RTF1: variants seen among roughly 807,000 people sequenced by gnomAD.
RTF1 encodes RNA polymerase-associated protein RTF1 homolog.
A neutral mutation model predicts 95.7 loss-of-function variants in RTF1; 10 were observed. The observed-to-expected ratio is 0.10, with a 90% confidence interval of 0.06 to 0.18. The LOEUF (loss-of-function observed/expected upper bound fraction) is 0.18, where lower values mean the gene tolerates loss of function less well. RTF1 is among the 10% of genes least tolerant of loss of function. The pLI is 1.00. For synonymous variants in RTF1, 305 were observed against 311.8 expected, an observed-to-expected ratio of 0.98 and a Z score of 0.23; for missense variants, 458 against 875.6, an observed-to-expected ratio of 0.52 and a Z score of 6.02.
chr15:41,476,365 G>T, intron 11 of RTF1, 81 bp from the exon 12 acceptor site: 1 of 1,080,404 alleles, frequency 9.3e-7, no homozygotes, highest in Non-Finnish European at 1.4e-6. Flanking sequence ...CTAGCTGTTT[G>T]CATCCAAAAT....
At chr15:41,441,194 A>G (rs1252513570) in intron 2 of RTF1, among the ~76,000 whole-genome samples, 1 of 148,532 alleles carries the variant, frequency 6.7e-6, no homozygotes, top group African/African-American at 2.5e-5. Flanking sequence ...GATGGTCTCT[A>G]TCTCCTGACC....
intron 1 of RTF1, among the ~76,000 whole-genome samples, chr15:41,420,479 A>G (rs905598705): frequency 1.3e-5 from 2 of 152,108 alleles, no homozygotes; most frequent in Non-Finnish European, 1.5e-5. Flanking sequence ...CCTGCCCCAA[A>G]TACCTTGTGC....
At chr15:41,441,738 G>A (rs1479317838) in intron 2 of RTF1, among the ~76,000 whole-genome samples, 1 of 152,178 alleles carries the variant, frequency 6.6e-6, no homozygotes, top group Admixed American at 6.6e-5. Flanking sequence ...AGCAAGAAAT[G>A]AGCGTTTGAG....
In RTF1 at chr15:41,466,258, C is replaced by T. The variant is rs200924142; in HGVS notation, c.889+6C>T. 9 of 1,529,288 alleles carry T rather than the reference C, an allele frequency of 5.9e-6. No individual in the cohort carries two copies. In the East Asian group the frequency reaches 7.0e-5, roughly 12 times the overall value. 94.7% of individuals were successfully genotyped at this position (1,529,288 alleles called of 1,614,324 possible). A position where few individuals can be genotyped will look rare whatever the true frequency, so the allele number is the denominator to read the frequency against. ...AAAACGAAAGAACAGAACAGGTAAG[C>T]GAGGGAAATATAATGGCTACTTGTG... On this transcript the variant is annotated splice_donor_region_variant and intron_variant, in intron 6 of 17. Transcript: ENST00000389629.
chr15:41,448,290 A>G (rs1404525036), intron 2 of RTF1, among the ~76,000 whole-genome samples: 1 of 152,124 alleles, frequency 6.6e-6, no homozygotes, highest in African/African-American at 2.4e-5. Context: ...AATAATACTG[A>G]GACTGGCTTC....
At chr15:41,466,606 G>A (rs1015951709) in intron 6 of RTF1, among the ~76,000 whole-genome samples, 4 of 152,062 alleles carry the variant, frequency 2.6e-5, no homozygotes, top group South Asian at 2.1e-4. Flanking sequence ...CAAATATCTA[G>A]TCAGTGTTCA....
At chr15:41,453,974 C>T (rs913043929) in intron 3 of RTF1, among the ~76,000 whole-genome samples, 4 of 152,128 alleles carry the variant, frequency 2.6e-5, no homozygotes, top group Non-Finnish European at 5.9e-5. Flanking sequence ...TGACTTAGTT[C>T]AATACTCATT....
At chr15:41,470,160 G>A in intron 6 of RTF1, 97 bp from the exon 7 acceptor site, 3 of 1,282,188 alleles carry the variant, frequency 2.3e-6, no homozygotes, top group Admixed American at 1.9e-5. Flanking sequence ...GGACGGAGCT[G>A]TGTATTTGAG....
rs1411577937 is a variant in RTF1, at chr15:41,424,892, C to G, written c.198+7579C>G. On this transcript the variant is annotated intron_variant, in intron 1 of 17. Transcript: ENST00000389629. ...AGTGCGGTGGCACACACCTGTAGTC[C>G]CAGCCACTGGTGAGGCTGAGGCATG... Among the ~76,000 whole-genome samples, 43 of 151,922 alleles carry G rather than the reference C, an allele frequency of 2.8e-4. 1 individual carries two copies. The highest frequency in any genetic ancestry group is 2.9e-5 in the Non-Finnish European group (2 of 67,972).
intron 2 of RTF1, 28 bp from the exon 3 acceptor site, chr15:41,452,873 A>C: frequency 6.6e-7 from 1 of 1,513,312 alleles, no homozygotes; most frequent in Non-Finnish European, 8.9e-7. Flanking sequence ...TTCCTATTTC[A>C]GTCTTCCTTT....
chr15:41,427,191 G>A (rs1360745953), intron 1 of RTF1, among the ~76,000 whole-genome samples: 1 of 116,268 alleles, frequency 8.6e-6, no homozygotes, highest in African/African-American at 3.4e-5. Flanking sequence ...TTGCTCTGTT[G>A]CCCAGGCCGG....
intron 2 of RTF1, among the ~76,000 whole-genome samples, chr15:41,451,627 T>A (rs1179229044): frequency 6.6e-6 from 1 of 152,212 alleles, no homozygotes; most frequent in Non-Finnish European, 1.5e-5. Flanking sequence ...TTTAATGATG[T>A]ACTTTACTTT....
At chr15:41,429,248 C>G (rs1352105753) in intron 1 of RTF1, among the ~76,000 whole-genome samples, 3 of 152,122 alleles carry the variant, frequency 2.0e-5, no homozygotes, top group African/African-American at 7.2e-5. Flanking sequence ...GAAAGGGACA[C>G]TAGGAAGTAA....
intron 15 of RTF1, 70 bp downstream of exon 15, chr15:41,478,695 A>G (rs1280908154): frequency 6.4e-6 from 8 of 1,256,686 alleles, no homozygotes; most frequent in Non-Finnish European, 9.3e-6. Flanking sequence ...CCATTAGGAA[A>G]TTAATAATGA....
Position 41,418,129 on chromosome 15 carries a change from T to TTATATACTC in RTF1, c.198+819_198+827dup, listed in dbSNP as rs1380534377. ...CCTCAGTGTCTTGGGGTTGAACTGT[T>TTATATACTC]TATATACTCTAGAAAACATTGTAGG... On this transcript the variant is annotated intron_variant, in intron 1 of 17. Transcript: ENST00000389629. Among the ~76,000 whole-genome samples, 4 of 152,288 alleles carry TTATATACTC rather than the reference T, an allele frequency of 2.6e-5. No homozygotes were observed. In the East Asian group the frequency reaches 7.7e-4, roughly 29 times the overall value.
At chr15:41,455,836 TAA>T (rs2050811819) in intron 3 of RTF1, among the ~76,000 whole-genome samples, 1 of 150,532 alleles carries the variant, frequency 6.6e-6, no homozygotes. Flanking sequence ...GAGTGAGGGT[TAA>T]AAGAGTACAT....
chr15:41,439,675 G>T (rs1248432850), intron 2 of RTF1, among the ~76,000 whole-genome samples: 2 of 152,048 alleles, frequency 1.3e-5, no homozygotes, highest in East Asian at 3.8e-4. Context: ...TTTTGAGATG[G>T]AGTCTCACTC....
In RTF1 at chr15:41,471,159, T is replaced by A. The variant is rs1595439304; in HGVS notation, c.1026-13T>A. Reference sequence around the variant, plus strand: ...GATGAACATTTTTTCCAGTGCCCCTTTGTTCCTCTTAGGAAAGAAGAGATC... The same window carrying A: ...GATGAACATTTTTTCCAGTGCCCCTATGTTCCTCTTAGGAAAGAAGAGATC... On this transcript the variant is annotated splice_polypyrimidine_tract_variant and intron_variant, in intron 7 of 17. Transcript: ENST00000389629. 1 of 1,585,060 alleles carries A rather than the reference T, an allele frequency of 6.3e-7. No individual in the cohort carries two copies. The highest frequency in any genetic ancestry group is 8.6e-7 in the Non-Finnish European group (1 of 1,167,898).
intron 3 of RTF1, among the ~76,000 whole-genome samples, chr15:41,453,755 GA>G (rs1483261083): frequency 3.3e-5 from 5 of 150,172 alleles, no homozygotes; most frequent in African/African-American, 7.3e-5. Flanking sequence ...AAAAAAAAAA[GA>G]AAAATGCAGG....
Sources: allele counts gnomAD v4.1 joint callset (sites outside exome capture counted in the v4.1 genomes callset), GRCh38; gene constraint gnomAD v4.1.1; transcripts MANE v1.5; gene names NCBI Gene and HGNC (gene_info 2026-07-23, HGNC 2026-07-21).